RAB3C: variants seen among roughly 807,000 people sequenced by gnomAD.
The protein encoded by RAB3C is ras-related protein Rab-3C.
In RAB3C, 17 loss-of-function variants were observed where a neutral mutation model predicts 26.4. The observed-to-expected ratio is 0.64, with a 90% CI of 0.44 to 0.97. The LOEUF is 0.97. RAB3C is among the 50% of genes least tolerant of loss of function. RAB3C has a pLI of 0.00. For missense variants in RAB3C, 242 were observed against 281.9 expected (o/e 0.86, Z 1.01); for synonymous variants, 91 against 95.9 (o/e 0.95, Z 0.30).
intron 2 of RAB3C, among the ~76,000 whole-genome samples, chr5:58,678,006 G>A (rs887525434): frequency 6.9e-6 from 1 of 144,694 alleles, no homozygotes; most frequent in Non-Finnish European, 1.5e-5. Context: ...GTGTGTGCAT[G>A]CGTGTGTGTG....
At chr5:58,766,611 G>C (rs1218576510) in intron 3 of RAB3C, among the ~76,000 whole-genome samples, 1 of 152,164 alleles carries the variant, frequency 6.6e-6, no homozygotes, top group East Asian at 1.9e-4. Context: ...AATCACCAGA[G>C]GTCCTGGTGT....
chr5:58,743,042 G>C (rs577730539), intron 3 of RAB3C, among the ~76,000 whole-genome samples: 12 of 152,282 alleles, frequency 7.9e-5, no homozygotes, highest in Non-Finnish European at 1.3e-4. Context: ...CTCTGAGTCT[G>C]ATGAGGAGAG....
intron 1 of RAB3C, among the ~76,000 whole-genome samples, chr5:58,591,595 T>G (rs969675513): frequency 6.8e-6 from 1 of 148,120 alleles, no homozygotes; most frequent in Admixed American, 6.8e-5. Context: ...AGTATATATA[T>G]ATATATATAT....
At chr5:58,649,934 T>C (rs1747608688) in intron 2 of RAB3C, among the ~76,000 whole-genome samples, 1 of 152,232 alleles carries the variant, frequency 6.6e-6, no homozygotes, top group Non-Finnish European at 1.5e-5. Context: ...CTCTGTTGTT[T>C]TTTCAGGCAC....
At position 58,628,231 on chromosome 5, in the gene RAB3C, A is replaced by G. The variant is rs913102863; in HGVS notation, c.252+10361A>G. Among the ~76,000 whole-genome samples, 12 of 152,134 alleles carry G rather than the reference A, an allele frequency of 7.9e-5. No homozygotes were observed. The East Asian group carries it at 2.3e-3, about 29-fold the overall frequency. On this transcript the variant is annotated intron_variant, in intron 2 of 4. Transcript: ENST00000282878. Reference sequence around the variant, plus strand: ...AATAGAGAAACAACAGAAAAGTACAAAGGAGACATAAAATAAAAAAGAGTT... The same window carrying G: ...AATAGAGAAACAACAGAAAAGTACAGAGGAGACATAAAATAAAAAAGAGTT...
At chr5:58,603,583 A>T (rs1009126832) in intron 1 of RAB3C, among the ~76,000 whole-genome samples, 1 of 151,966 alleles carries the variant, frequency 6.6e-6, no homozygotes, top group Non-Finnish European at 1.5e-5. Context: ...TCTTTTTTCT[A>T]CTTGTTCAAT....
At position 58,849,081 on chromosome 5, in the gene RAB3C, G is replaced by T. The variant is rs573635665; in HGVS notation, c.497-2083G>T. Among the ~76,000 whole-genome samples, 3 of 152,276 alleles carry T rather than the reference G, an allele frequency of 2.0e-5. No homozygotes were observed. The East Asian group carries it at 5.8e-4, about 29-fold the overall frequency. On this transcript the variant is annotated intron_variant, in intron 4 of 4. Coordinates refer to ENST00000282878, the MANE Select transcript of RAB3C (RefSeq NM_138453.4). ...TGATGATAGGGTGTTGAGATGCCCA[G>T]GGTAAAGGAGTCACATTTGATAAAA...
intron 1 of RAB3C, among the ~76,000 whole-genome samples, chr5:58,588,494 C>T (rs1367033697): frequency 1.3e-5 from 2 of 152,144 alleles, no homozygotes; most frequent in African/African-American, 4.8e-5. Flanking sequence ...TTATTGGCCA[C>T]TTATATATCT....
chr5:58,834,365 T>G (rs1308244695), intron 4 of RAB3C, among the ~76,000 whole-genome samples: 1 of 152,216 alleles, frequency 6.6e-6, no homozygotes, highest in Non-Finnish European at 1.5e-5. Flanking sequence ...ATGATGGTTT[T>G]TTCCTTCAGT....
At chr5:58,687,013 C>A (rs891035394) in intron 2 of RAB3C, among the ~76,000 whole-genome samples, 1 of 152,098 alleles carries the variant, frequency 6.6e-6, no homozygotes, top group Non-Finnish European at 1.5e-5. Context: ...TCATTTCACT[C>A]GGTGACCTAG....
intron 2 of RAB3C, among the ~76,000 whole-genome samples, chr5:58,663,452 A>G (rs796637384): frequency 2.0e-5 from 3 of 150,388 alleles, no homozygotes; most frequent in Non-Finnish European, 2.9e-5. Flanking sequence ...AAATTTCTTT[A>G]TCATTTGTTG....
At chr5:58,644,055 A>G (rs1747467664) in intron 2 of RAB3C, among the ~76,000 whole-genome samples, 1 of 152,244 alleles carries the variant, frequency 6.6e-6, no homozygotes, top group South Asian at 2.1e-4. Flanking sequence ...TCCTGACCTC[A>G]GGTGATCCAC....
At chr5:58,792,396 G>C (rs562102648) in intron 3 of RAB3C, among the ~76,000 whole-genome samples, 3 of 152,266 alleles carry the variant, frequency 2.0e-5, no homozygotes, top group Non-Finnish European at 4.4e-5. Flanking sequence ...TAGGCTAGCA[G>C]AAATGGTCCA....
chr5:58,745,271 G>A (rs973307573), intron 3 of RAB3C, among the ~76,000 whole-genome samples: 1 of 151,028 alleles, frequency 6.6e-6, no homozygotes, highest in Non-Finnish European at 1.5e-5. Context: ...AGTGGCGGGT[G>A]CCTGTGGTCC....
At chr5:58,846,964 T>C (rs1358183449) in intron 4 of RAB3C, 1 of 152,108 alleles carries the variant, frequency 6.6e-6, no homozygotes, top group African/African-American at 2.4e-5. Flanking sequence ...GTAGTGGTTT[T>C]TGGAAAGGGT....
chr5:58,846,123 C>A (rs1222573498), intron 4 of RAB3C, among the ~76,000 whole-genome samples: 1 of 152,048 alleles, frequency 6.6e-6, no homozygotes, highest in Non-Finnish European at 1.5e-5. Context: ...AATTTCCTTT[C>A]TTTTAAAATT....
chr5:58,602,785 T>C (rs978060454), intron 1 of RAB3C, among the ~76,000 whole-genome samples: 7 of 152,194 alleles, frequency 4.6e-5, no homozygotes, highest in African/African-American at 1.7e-4. Context: ...TGAGTTTTTA[T>C]CCATTCTGCG....
At chr5:58,690,770 G>A (rs2111857937) in intron 2 of RAB3C, among the ~76,000 whole-genome samples, 1 of 152,164 alleles carries the variant, frequency 6.6e-6, no homozygotes, top group East Asian at 1.9e-4. Context: ...GAAAAAAAAA[G>A]CAGACTATAG....
chr5:58,721,729 G>A (rs1682445784), intron 2 of RAB3C, among the ~76,000 whole-genome samples: 1 of 151,516 alleles, frequency 6.6e-6, no homozygotes, highest in Non-Finnish European at 1.5e-5. Flanking sequence ...CTGTTTATTA[G>A]CTTAATTTTA....
Sources: gnomAD v4.1 joint callset for allele counts (sites outside exome capture counted in the v4.1 genomes callset) on GRCh38, gnomAD v4.1.1 for gene constraint, MANE v1.5 for transcripts, NCBI Gene and HGNC (gene_info 2026-07-23, HGNC 2026-07-21) for gene names.